DSCAML1: variants seen among roughly 807,000 people sequenced by gnomAD.
The protein encoded by DSCAML1 is cell adhesion molecule DSCAML1.
In DSCAML1, 38 loss-of-function variants were observed where a neutral mutation model predicts 200.5. That is an observed-to-expected ratio of 0.19 (90% CI 0.15 to 0.25). The LOEUF (loss-of-function observed/expected upper bound fraction) is 0.25. Ranked by LOEUF, DSCAML1 falls within the 10% of genes least tolerant of loss-of-function variation. The pLI is 1.00. For missense variants in DSCAML1, 2,223 were observed against 2,858.8 expected, an observed-to-expected ratio of 0.78 and a Z score of 5.07; for synonymous variants, 1,215 against 1,165.0, an observed-to-expected ratio of 1.04 and a Z score of -0.87.
chr11:117,729,649 C>T (rs2054187481), intron 3 of DSCAML1, among the ~76,000 whole-genome samples: 1 of 152,138 alleles, frequency 6.6e-6, no homozygotes, highest in Admixed American at 6.5e-5. Flanking sequence ...GGCCAATAAA[C>T]ACCTGAAAAG....
At chr11:117,798,632 C>T (rs2055625605), upstream of DSCAML1, among the ~76,000 whole-genome samples, 1 of 152,134 alleles carries the variant, frequency 6.6e-6, no homozygotes, top group South Asian at 2.1e-4. Flanking sequence ...CCTCCCCCAG[C>T]TCCTGGCAAC....
In DSCAML1 at chr11:117,449,302, G is replaced by A. The variant is rs543562586; in HGVS notation, c.3708+1247C>T. On this transcript the variant is annotated intron_variant, in intron 20 of 32. Transcript: ENST00000651296. ...CTGCTTGGGTGGGTTGTGAAAATTC[G>A]CGGAGGTCTACAGTGATGACGTTTG... Among the ~76,000 whole-genome samples, 5 of 152,170 alleles carry A rather than the reference G, an allele frequency of 3.3e-5. No individual in the cohort carries two copies. The East Asian group carries it at 5.8e-4, about 18-fold the overall frequency.
chr11:117,628,748 T>G (rs2052107881), intron 3 of DSCAML1, among the ~76,000 whole-genome samples: 1 of 152,184 alleles, frequency 6.6e-6, no homozygotes, highest in African/African-American at 2.4e-5. Flanking sequence ...ATACGTGGAC[T>G]TATATCCTCC....
chr11:117,777,729 G>T (rs114382065), intron 2 of DSCAML1, among the ~76,000 whole-genome samples: 5 of 145,268 alleles, frequency 3.4e-5, no homozygotes, highest in Non-Finnish European at 7.5e-5. Context: ...TTCCCCCACC[G>T]TGCCCACCTC....
intron 20 of DSCAML1, among the ~76,000 whole-genome samples, chr11:117,445,343 G>C (rs1429588280): frequency 6.6e-6 from 1 of 152,220 alleles, no homozygotes; most frequent in Non-Finnish European, 1.5e-5. Flanking sequence ...GGGGGGGCAG[G>C]TGCAGAGCCA....
rs976048073 is a variant in DSCAML1, at chr11:117,505,217, T to C, written c.2063-174A>G. ...CTTTTGTTGAGTACTGGGTAGGGAC[T>C]TGGGAGCTCTGAGTTCCAGTCCTGC... On this transcript the variant is annotated intron_variant, in intron 9 of 32. Coordinates refer to ENST00000651296, the MANE Select transcript of DSCAML1 (RefSeq NM_020693.4). The surrounding 1 kb of genome is among the most constrained non-coding windows in gnomAD (Gnocchi z 6.7). 3.3e-5 allele frequency among the ~76,000 whole-genome samples: 5 copies of C among 152,180 alleles called. No homozygotes were observed. Among genetic ancestry groups the C allele is most frequent in the South Asian group, 2.1e-4 (1 of 4,830 alleles).
intron 3 of DSCAML1, among the ~76,000 whole-genome samples, chr11:117,615,140 G>C (rs1360452113): frequency 3.3e-5 from 5 of 152,230 alleles, no homozygotes; most frequent in Admixed American, 1.3e-4. Flanking sequence ...GGCCAGTTGA[G>C]TCCCTGGTGG....
chr11:117,626,207 C>G (rs951732183), intron 3 of DSCAML1, among the ~76,000 whole-genome samples: 17 of 135,804 alleles, frequency 1.3e-4, no homozygotes, highest in South Asian at 4.8e-4. Context: ...AGACCCCCCC[C>G]CCTCCTTCTT....
chr11:117,796,860 T>G (rs554206142), intron 1 of DSCAML1, among the ~76,000 whole-genome samples, 174 bp downstream of exon 1: 95 of 152,106 alleles, frequency 6.2e-4, no homozygotes, highest in African/African-American at 2.1e-3. Flanking sequence ...GGGGGCTGAC[T>G]CTCACTCGGC....
chr11:117,768,783 C>T (rs2054943755), intron 3 of DSCAML1, among the ~76,000 whole-genome samples: 1 of 152,110 alleles, frequency 6.6e-6, no homozygotes, highest in Non-Finnish European at 1.5e-5. Flanking sequence ...CACAGCCTGT[C>T]TTCTTTCCAA....
At chr11:117,731,784 A>T (rs2054224960) in intron 3 of DSCAML1, among the ~76,000 whole-genome samples, 1 of 152,220 alleles carries the variant, frequency 6.6e-6, no homozygotes, top group Admixed American at 6.5e-5. Context: ...TTCACTATCT[A>T]GCATTGTCTG....
chr11:117,623,513 G>C (rs1481659009), intron 3 of DSCAML1, among the ~76,000 whole-genome samples: 3 of 152,166 alleles, frequency 2.0e-5, no homozygotes, highest in Non-Finnish European at 4.4e-5. Context: ...ACTGCTCCTG[G>C]CCTAACATGC....
chr11:117,585,427 T>C (rs533027003), intron 3 of DSCAML1, among the ~76,000 whole-genome samples: 70 of 152,206 alleles, frequency 4.6e-4, no homozygotes, highest in African/African-American at 1.6e-3. Flanking sequence ...CTTTTGTATA[T>C]TTAATAGAGA....
At chr11:117,595,059 TACACAC>T (rs374932790) in intron 3 of DSCAML1, among the ~76,000 whole-genome samples, 13 of 143,910 alleles carry the variant, frequency 9.0e-5, no homozygotes, top group African/African-American at 2.9e-4. Flanking sequence ...GTCTTTCTCT[TACACAC>T]ACACACACAC....
At chr11:117,651,569 G>A (rs1447736869) in intron 3 of DSCAML1, among the ~76,000 whole-genome samples, 5 of 151,458 alleles carry the variant, frequency 3.3e-5, no homozygotes, top group Non-Finnish European at 5.9e-5. Flanking sequence ...AAAATTAGCC[G>A]GCCGTGGTGG....
chr11:117,583,095 C>A (rs1488245245), intron 3 of DSCAML1, among the ~76,000 whole-genome samples: 1 of 151,694 alleles, frequency 6.6e-6, no homozygotes, highest in Admixed American at 6.6e-5. Context: ...GCAAGGTCAC[C>A]CAGTAACCAG....
At chr11:117,610,612 C>T (rs1055334361) in intron 3 of DSCAML1, among the ~76,000 whole-genome samples, 2 of 151,860 alleles carry the variant, frequency 1.3e-5, no homozygotes, top group South Asian at 2.1e-4. Context: ...AGCCAGACAC[C>T]CTGCACTTTT....
chr11:117,618,162 A>T (rs564512570), intron 3 of DSCAML1, among the ~76,000 whole-genome samples: 20 of 152,342 alleles, frequency 1.3e-4, no homozygotes, highest in Non-Finnish European at 2.4e-4. Context: ...AGCTCCTTTC[A>T]TAAAGTTATA....
chr11:117,491,957 T>TGCCA (rs1240320949), intron 11 of DSCAML1, among the ~76,000 whole-genome samples: 1 of 152,122 alleles, frequency 6.6e-6, no homozygotes, highest in Non-Finnish European at 1.5e-5. Context: ...TAGTCTGCAC[T>TGCCA]GCCAGGTGGG....
Sources: allele counts gnomAD v4.1 joint callset (sites outside exome capture counted in the v4.1 genomes callset), GRCh38; gene constraint gnomAD v4.1.1; non-coding constraint Gnocchi (gnomAD v3.1); transcripts MANE v1.5; gene names NCBI Gene and HGNC (gene_info 2026-07-23, HGNC 2026-07-21).